DRD4: variants seen among roughly 807,000 people sequenced by gnomAD.
DRD4 encodes dopamine receptor D4, also known as D(4) dopamine receptor.
A neutral mutation model predicts 22.1 loss-of-function variants in DRD4; 26 were observed. The observed-to-expected ratio is 1.17, with a 90% confidence interval of 0.86 to 1.63. DRD4 has a LOEUF of 1.63. Among genes scored for constraint, DRD4 ranks in the 40% most tolerant of loss-of-function variants. The probability of loss-of-function intolerance (pLI) is 0.00; values close to 1 mark genes in which losing one functional copy is unlikely to be tolerated. For synonymous variants in DRD4, 455 were observed against 306.7 expected, an observed-to-expected ratio of 1.48 and a Z score of -5.05; for missense variants, 913 against 632.4, an observed-to-expected ratio of 1.44 and a Z score of -4.76.
chr11:639,086 AAAACAAAAAGAAAAAC>A, intron 1 of DRD4: 1 of 301,428 alleles, frequency 3.3e-6, no homozygotes, highest in East Asian at 8.7e-5. Flanking sequence ...TCCGTCTCAA[AAAACAAAAAGAAAAAC>A]AAATCAGCCG....
At chr11:637,690 G>C in intron 1 of DRD4, 101 bp downstream of exon 1, 1 of 1,525,582 alleles carries the variant, frequency 6.6e-7, no homozygotes, top group South Asian at 1.2e-5. Context: ...TTCTGGTGCG[G>C]AGCTTCCAGC....
chr11:640,622 C>A lies in DRD4; in HGVS notation c.*19C>A. ...CTGCTGAGCCGGGCACCCCCGGACGCCCCCCGGCCTGATGGCCAGGCCTCA... is the reference window on the plus strand; with the variant it reads ...CTGCTGAGCCGGGCACCCCCGGACGACCCCCGGCCTGATGGCCAGGCCTCA... On this transcript the variant is annotated 3_prime_UTR_variant, in exon 4 of 4. Coordinates refer to ENST00000176183, the MANE Select transcript of DRD4 (RefSeq NM_000797.4). 12 of 1,598,706 alleles carry A rather than the reference C, an allele frequency of 7.5e-6. No individual in the cohort carries two copies. Among genetic ancestry groups the A allele is most frequent in the Non-Finnish European group, 1.0e-5 (12 of 1,179,612 alleles).
intron 2 of DRD4, 28 bp downstream of exon 2, chr11:639,573 G>C (rs1235468528): frequency 1.0e-5 from 14 of 1,392,778 alleles, no homozygotes; most frequent in Admixed American, 2.8e-5. Flanking sequence ...CCCGCGCCCC[G>C]GCGCCCCCGC....
In DRD4 at chr11:637,502, G is replaced by A. The variant is rs146404200; in HGVS notation, c.198G>A (p.Gln66=). Residue 66 remains glutamine, a synonymous_variant, in exon 1 of 4, where the codon CAG becomes CAA. Coordinates refer to ENST00000176183, the MANE Select transcript of DRD4 (RefSeq NM_000797.4). The stretch of plus-strand genomic sequence containing the variant: ...GCGTGGCCACCGAGCGCGCCCTGCA[G>A]ACGCCCACCAACTCCTTCATCGTGA... ...CVSVATERAL[Q]TPTNSFIVSL... The A allele has an allele frequency of 5.8e-6, 9 of 1,558,392 alleles. No homozygotes were observed. Among genetic ancestry groups the A allele is most frequent in the Non-Finnish European group, 7.8e-6 (9 of 1,157,654 alleles).
chr11:638,893 G>GAAAC (rs1048854827), intron 1 of DRD4, among the ~76,000 whole-genome samples: 3 of 152,296 alleles, frequency 2.0e-5, no homozygotes, highest in African/African-American at 7.2e-5. Flanking sequence ...ACCAGCCTGG[G>GAAAC]AAACATACCA....
intron 1 of DRD4, among the ~76,000 whole-genome samples, chr11:638,435 C>T (rs1426478814): frequency 6.6e-6 from 1 of 152,184 alleles, no homozygotes. Context: ...GTTTAAGCTC[C>T]TAATCTCCCC....
At chr11:639,333 T>C in intron 1 of DRD4, 100 bp from the exon 2 acceptor site, 1 of 1,154,484 alleles carries the variant, frequency 8.7e-7, no homozygotes, top group Non-Finnish European at 1.2e-6. Flanking sequence ...CCGGGCCCCC[T>C]TCTCCGTATT....
intron 1 of DRD4, 26 bp from the exon 2 acceptor site, chr11:639,405 CCT>C: frequency 6.4e-7 from 1 of 1,565,374 alleles, no homozygotes; most frequent in Non-Finnish European, 8.6e-7. Context: ...GGCTGGGAAA[CCT>C]CAGGGCCTGT....
chr11:640,230 G>A lies in DRD4; in HGVS notation c.981G>A (p.Pro327=), dbSNP rs1428391736. 1.3e-6 allele frequency: 2 copies of A among 1,533,108 alleles called. No homozygotes were observed. The highest frequency in any genetic ancestry group is 2.4e-5 in the East Asian group (1 of 40,872). 95.0% of individuals were successfully genotyped at this position (1,533,108 alleles called of 1,614,324 possible). A position where few individuals can be genotyped will look rare whatever the true frequency, so the allele number is the denominator to read the frequency against. ...RAAALPPQTP[P]QTRRRRRAKI... ...CCGCGCTCCCACCCCAGACTCCACC[G>A]CAGACCCGCAGGAGGCGGCGTGCCA... Residue 327 remains proline, a synonymous_variant, in exon 3 of 4, where the codon CCG becomes CCA. Coordinates refer to ENST00000176183, the MANE Select transcript of DRD4 (RefSeq NM_000797.4).
chr11:637,517 C>T lies in DRD4; in HGVS notation c.213C>T (p.Ser71=), dbSNP rs963008729. 1.9e-6 allele frequency: 3 copies of T among 1,564,658 alleles called. No homozygotes were observed. The highest frequency in any genetic ancestry group is 2.7e-5 in the African/African-American group (2 of 74,096). ...GCGCCCTGCAGACGCCCACCAACTC[C>T]TTCATCGTGAGCCTGGCGGCCGCCG... ...TERALQTPTN[S]FIVSLAAADL... The change falls in exon 1 of 4, where the codon TCC becomes TCT. Residue 71 remains serine, a synonymous_variant. Coordinates refer to ENST00000176183, the MANE Select transcript of DRD4 (RefSeq NM_000797.4).
rs1231044744 is a variant in DRD4 at position 640,151 on chromosome 11, T to C, written c.902T>C (p.Leu301Pro). The change falls in exon 3 of 4, where the codon CTC (leucine) becomes CCC (proline). Residue 301 changes from leucine (L) to proline (P), a missense_variant. Physicochemically the swap from Leu to Pro is moderately conservative, Grantham distance 98. Transcript: ENST00000176183. ...GPDCAPPAPG[L>P]PPDPCGSNCA... is the part of the protein sequence containing the mutation. Reference sequence around the variant, plus strand: ...GACTGTGCGCCCCCCGCGCCCGGCCTCCCCCCGGACCCCTGCGGCTCCAAC... The same window carrying C: ...GACTGTGCGCCCCCCGCGCCCGGCCCCCCCCCGGACCCCTGCGGCTCCAAC... 1 of 1,475,358 alleles carries C rather than the reference T, an allele frequency of 6.8e-7. No individual in the cohort carries two copies. Among genetic ancestry groups the C allele is most frequent in the Non-Finnish European group, 8.9e-7 (1 of 1,117,846 alleles). The allele number at this position is 1,475,358 out of a possible 1,614,324, so 91.4% of individuals were successfully genotyped here.
chr11:639,512 CCATCTT>C lies in DRD4; in HGVS notation c.368_373del (p.Ile123_Phe124del), dbSNP rs758232190. 2.1e-5 allele frequency: 34 copies of C among 1,602,106 alleles called. No individual in the cohort carries two copies. In the African/African-American group the frequency reaches 4.5e-4, roughly 21 times the overall value. ...ATGGACGTCATGCTGTGCACCGCCT[CCATCTT>C]CAACCTGTGCGCCATCAGCGTGGAC... is the stretch of plus-strand genomic sequence containing the variant. On this transcript the variant is annotated inframe_deletion, in exon 2 of 4. Transcript: ENST00000176183.
chr11:639,824 A>C lies in DRD4; in HGVS notation c.575A>C (p.Tyr192Ser). The change falls in exon 3 of 4, where the codon TAC becomes TCC. Residue 192 changes from tyrosine to serine, a missense_variant. Coordinates refer to ENST00000176183, the MANE Select transcript of DRD4 (RefSeq NM_000797.4). ...PAVCRLEDRD[Y>S]VVYSSVCSFF... Reference sequence around the variant, plus strand: ...GTGTGCCGCCTGGAGGACCGCGACTACGTGGTCTACTCGTCCGTGTGCTCC... The same window carrying C: ...GTGTGCCGCCTGGAGGACCGCGACTCCGTGGTCTACTCGTCCGTGTGCTCC... The C allele has an allele frequency of 6.3e-7, 1 of 1,583,164 alleles. No homozygotes were observed. The highest frequency in any genetic ancestry group is 8.5e-7 in the Non-Finnish European group (1 of 1,172,592).
intron 1 of DRD4, among the ~76,000 whole-genome samples, chr11:638,483 T>C (rs564574393): frequency 5.6e-4 from 86 of 152,306 alleles, no homozygotes; most frequent in South Asian, 1.0e-3. Context: ...GCCTGCTCCT[T>C]TGCCCTTGGA....
At position 640,300 on chromosome 11, in the gene DRD4, G is replaced by A. The variant is rs1324189143; in HGVS notation, c.1051G>A (p.Val351Met). ...ERKAMRVLPV[V>M]VGAFLLCWTP... ...CAAGGCCATGAGGGTCCTGCCGGTG[G>A]TGGTCGGTGGGTTCCTGTCCTGAGG... is the stretch of plus-strand genomic sequence containing the variant. Residue 351 changes from valine (V) to methionine (M), a missense_variant, in exon 3 of 4, where the codon GTG becomes ATG. By Grantham distance (21) the Val-to-Met change is conservative. Transcript: ENST00000176183. The A allele has an allele frequency of 2.0e-6, 3 of 1,537,208 alleles. No individual in the cohort carries two copies. Among genetic ancestry groups the A allele is most frequent in the African/African-American group, 2.7e-5 (2 of 73,528 alleles).
At position 639,376 on chromosome 11, in the gene DRD4, G is replaced by T. The variant is rs764745320; in HGVS notation, c.286-57G>T. 1,565 of 1,479,900 alleles carry T rather than the reference G, an allele frequency of 1.1e-3. 16 individuals are homozygous for T. Among genetic ancestry groups the T allele is most frequent in the South Asian group, 5.5e-4 (46 of 83,554 alleles). The allele number at this position is 1,479,900 out of a possible 1,614,324, so 91.7% of individuals were successfully genotyped here. A position where few individuals can be genotyped will look rare whatever the true frequency, so the allele number is the denominator to read the frequency against. On this transcript the variant is annotated intron_variant, in intron 1 of 3. Transcript: ENST00000176183. Reference sequence around the variant, plus strand: ...GGAACTACCCATAAGAGTGGGGGCGGGTCACAAGGGCCCGCGGTGGCTGGG... The same window carrying T: ...GGAACTACCCATAAGAGTGGGGGCGTGTCACAAGGGCCCGCGGTGGCTGGG...
At position 639,565 on chromosome 11, in the gene DRD4, CGCGCCCCG is replaced by C. The variant is rs768024763; in HGVS notation, c.398+28_398+35del. On this transcript the variant is annotated intron_variant, in intron 2 of 3. Transcript: ENST00000176183. Reference sequence around the variant, plus strand: ...GGACAGGTGCGCCGCCCTCCCCGCCCGCGCCCCGGCGCCCCCGCGCCCCGCCCGCCGCC... The same window carrying C: ...GGACAGGTGCGCCGCCCTCCCCGCCCGCGCCCCCGCGCCCCGCCCGCCGCC... 2.3e-5 allele frequency: 33 copies of C among 1,412,332 alleles called. No individual in the cohort carries two copies. Among genetic ancestry groups the C allele is most frequent in the Admixed American group, 2.1e-4 (8 of 38,288 alleles). The allele number at this position is 1,412,332 out of a possible 1,614,324, so 87.5% of individuals were successfully genotyped here. A position where few individuals can be genotyped will look rare whatever the true frequency, so the allele number is the denominator to read the frequency against.
At chr11:638,735 C>T (rs1416738748) in intron 1 of DRD4, among the ~76,000 whole-genome samples, 1 of 152,120 alleles carries the variant, frequency 6.6e-6, no homozygotes, top group African/African-American at 2.4e-5. Context: ...GAGGGGCTCC[C>T]TTTGAGCCCG....
At chr11:639,412 G>T (rs774697348) in intron 1 of DRD4, 21 bp from the exon 2 acceptor site, 3 of 1,571,380 alleles carry the variant, frequency 1.9e-6, no homozygotes, top group Non-Finnish European at 2.6e-6. Flanking sequence ...AAACCTCAGG[G>T]CCTGTGGTGT....
Sources: gnomAD v4.1 joint callset for allele counts (sites outside exome capture counted in the v4.1 genomes callset) on GRCh38, gnomAD v4.1.1 for gene constraint, MANE v1.5 for transcripts, NCBI Gene and HGNC (gene_info 2026-07-23, HGNC 2026-07-21) for gene names.